ANK3: variants seen among roughly 807,000 people sequenced by gnomAD.
ANK3 encodes the protein ankyrin 3.
ANK3 carries 57 observed loss-of-function variants against 370.9 expected under a neutral mutation model. The ratio of observed to expected loss-of-function variants is 0.15; its 90% CI spans 0.12 to 0.19. ANK3 has a LOEUF of 0.19. ANK3 is among the 10% of genes least tolerant of loss of function. The pLI, the probability that ANK3 is intolerant of heterozygous loss-of-function variation, is 1.00. For missense variants in ANK3, 4,439 were observed against 5,302.1 expected (o/e 0.84, Z 5.06); for synonymous variants, 1,929 against 1,946.3 (o/e 0.99, Z 0.23).
At chr10:60,237,180 G>A (rs935097902) in intron 7 of ANK3, among the ~76,000 whole-genome samples, 1 of 152,194 alleles carries the variant, frequency 6.6e-6, no homozygotes, top group African/African-American at 2.4e-5. Flanking sequence ...GCTGGCAGAA[G>A]GAAATAAATT....
intron 2 of ANK3, among the ~76,000 whole-genome samples, chr10:60,504,485 C>T (rs1331056709): frequency 2.0e-5 from 3 of 151,830 alleles, no homozygotes; most frequent in Non-Finnish European, 4.4e-5. Context: ...AGGCTTTTTT[C>T]CCCCCCAGAA....
intron 1 of ANK3, among the ~76,000 whole-genome samples, chr10:60,350,652 C>G (rs560973835): frequency 6.6e-6 from 1 of 152,194 alleles, no homozygotes; most frequent in Admixed American, 6.5e-5. Context: ...CTGTGGAGAT[C>G]TACAAATGTA....
At chr10:60,114,716 T>G (rs561625519) in intron 25 of ANK3, among the ~76,000 whole-genome samples, 148 of 152,256 alleles carry the variant, frequency 9.7e-4, no homozygotes, top group African/African-American at 3.5e-3. Flanking sequence ...TCTTGATGAC[T>G]TCTGGTTCCA....
intron 40 of ANK3, 94 bp downstream of exon 40, chr10:60,063,017 C>T: frequency 7.9e-7 from 1 of 1,269,198 alleles, no homozygotes; most frequent in Admixed American, 2.6e-5. Context: ...TCAAGCAAAT[C>T]ACAGTTTAGT....
chr10:60,445,790 C>A (rs1344968146), intron 2 of ANK3, among the ~76,000 whole-genome samples: 1 of 152,154 alleles, frequency 6.6e-6, no homozygotes, highest in Non-Finnish European at 1.5e-5. Context: ...GGGGCTGCTG[C>A]AGAATTGTAT....
intron 1 of ANK3, among the ~76,000 whole-genome samples, chr10:60,331,964 CT>C (rs11418523): frequency 1.1e-4 from 17 of 148,522 alleles, no homozygotes; most frequent in East Asian, 2.0e-4. Flanking sequence ...ATCTTTTTTT[CT>C]TTTTTTTTTA....
Position 60,049,536 on chromosome 10 carries a change from G to A in ANK3, c.13065+6122C>T, listed in dbSNP as rs191054238. ...GGGGAGGTGGAGGTTGCAGTGAGCCGAGATTACACCACTGCACTCCAGCCT... is the reference window on the plus strand; with the variant it reads ...GGGGAGGTGGAGGTTGCAGTGAGCCAAGATTACACCACTGCACTCCAGCCT... On this transcript the variant is annotated intron_variant, in intron 42 of 43. Coordinates refer to ENST00000280772, the MANE Select transcript of ANK3 (RefSeq NM_020987.5). 3.3e-4 allele frequency among the ~76,000 whole-genome samples: 50 copies of A among 152,072 alleles called. No homozygotes were observed. The East Asian group carries it at 7.0e-3, about 21-fold the overall frequency.
intron 1 of ANK3, among the ~76,000 whole-genome samples, chr10:60,659,248 A>G (rs2078906146): frequency 6.6e-6 from 1 of 152,184 alleles, no homozygotes; most frequent in Non-Finnish European, 1.5e-5. Flanking sequence ...TACCTTTAGC[A>G]GCAAAGCTGC....
chr10:60,307,768 G>A (rs2045467935), intron 1 of ANK3, among the ~76,000 whole-genome samples: 1 of 151,896 alleles, frequency 6.6e-6, no homozygotes, highest in Admixed American at 6.6e-5. Context: ...AGCTTTATAT[G>A]ACCAAAAAAA....
chr10:60,176,368 CAAA>C (rs752384374), intron 18 of ANK3, among the ~76,000 whole-genome samples: 5 of 102,342 alleles, frequency 4.9e-5, no homozygotes, highest in Non-Finnish European at 3.8e-5. Context: ...CTCTGTCTCC[CAAA>C]AAAAAAAAAA....
intron 1 of ANK3, among the ~76,000 whole-genome samples, chr10:60,316,369 G>T (rs963305643): frequency 6.6e-6 from 1 of 152,142 alleles, no homozygotes; most frequent in African/African-American, 2.4e-5. Context: ...CAGGTTAGGG[G>T]CTGACAACCT....
At chr10:60,593,761 T>C (rs1270507403) in intron 2 of ANK3, among the ~76,000 whole-genome samples, 1 of 152,166 alleles carries the variant, frequency 6.6e-6, no homozygotes, top group Non-Finnish European at 1.5e-5. Flanking sequence ...TGTGGTGAAG[T>C]GGATGGTTGC....
intron 2 of ANK3, among the ~76,000 whole-genome samples, chr10:60,516,353 G>A (rs980661356): frequency 2.6e-5 from 4 of 152,200 alleles, no homozygotes; most frequent in South Asian, 2.1e-4. Context: ...TGGGAGCCAG[G>A]ATCTGTTCTG....
Position 60,196,518 on chromosome 10 carries a change from A to T in ANK3, c.1788+9T>A. ...GTGGCCTGCTTCAGGGTGGCTGGTG[A>T]CCTCTTACCTTCCCAGCAGCATCTG... On this transcript the variant is annotated intron_variant, in intron 15 of 43. Transcript: ENST00000280772. The T allele has an allele frequency of 1.3e-6, 2 of 1,591,602 alleles. No individual in the cohort carries two copies. The highest frequency in any genetic ancestry group is 2.7e-5 in the African/African-American group (2 of 74,198).
intron 23 of ANK3, among the ~76,000 whole-genome samples, chr10:60,156,376 G>C (rs544290279): frequency 6.6e-6 from 1 of 152,294 alleles, no homozygotes; most frequent in Admixed American, 6.5e-5. Context: ...TGTCCTGATG[G>C]GACAAACCCC....
At position 60,068,864 on chromosome 10, in the gene ANK3, T is replaced by C; in HGVS notation, c.12017A>G (p.Glu4006Gly). The change falls in exon 37 of 44, where the codon GAG (glutamate) becomes GGG (glycine). Residue 4006 changes from glutamate to glycine, a missense_variant. By Grantham distance (98) the Glu-to-Gly change is moderately conservative. Transcript: ENST00000280772. The stretch of plus-strand genomic sequence containing the variant: ...GAGGCGGTCCACAAGCTTTAAGGTC[T>C]CACCACTAATTCCCTTAAAATATTC... Reference protein sequence around the residue: ...SIEYFKGISGETLKLVDRLSE... With the variant: ...SIEYFKGISGGTLKLVDRLSE... 3 of 1,614,206 alleles carry C rather than the reference T, an allele frequency of 1.9e-6. No individual in the cohort carries two copies. The highest frequency in any genetic ancestry group is 1.7e-4 in the Middle Eastern group (1 of 6,060).
chr10:60,695,154 C>A (rs576245856), intron 1 of ANK3, among the ~76,000 whole-genome samples: 15 of 152,144 alleles, frequency 9.9e-5, no homozygotes, highest in African/African-American at 3.6e-4. Flanking sequence ...ACAAAGAAGT[C>A]CATTACATAA....
chr10:60,060,017 C>T (rs771000848), intron 40 of ANK3: 1 of 1,556,846 alleles, frequency 6.4e-7, no homozygotes, highest in East Asian at 2.3e-5. Flanking sequence ...CTATGGAAGA[C>T]AGTACATTTG....
intron 1 of ANK3, among the ~76,000 whole-genome samples, chr10:60,371,159 C>T (rs766772483): frequency 1.4e-5 from 2 of 142,824 alleles, no homozygotes; most frequent in Non-Finnish European, 3.1e-5. Context: ...AAGACTCCTT[C>T]AATCTACACA....
Sources: allele counts gnomAD v4.1 joint callset (sites outside exome capture counted in the v4.1 genomes callset), GRCh38; gene constraint gnomAD v4.1.1; transcripts MANE v1.5; gene names NCBI Gene and HGNC (gene_info 2026-07-23, HGNC 2026-07-21).